Variants in DIAPH3 observed in about 807,000 individuals in gnomAD.
DIAPH3 encodes the protein protein diaphanous homolog 3.
A neutral mutation model predicts 144.3 loss-of-function variants in DIAPH3; 117 were observed. The observed-to-expected ratio is 0.81, with a 90% CI of 0.70 to 0.95. The LOEUF (loss-of-function observed/expected upper bound fraction) is 0.95, where lower values mean the gene tolerates loss of function less well. Ranked by LOEUF, DIAPH3 falls within the 40% of genes least tolerant of loss-of-function variation. The pLI, the probability that DIAPH3 is intolerant of heterozygous loss-of-function variation, is 0.00. For missense variants in DIAPH3, 1,421 were observed against 1,412.7 expected (o/e 1.01, Z -0.09); for synonymous variants, 519 against 488.9 (o/e 1.06, Z -0.81).
chr13:59,974,506 G>A lies in DIAPH3; in HGVS notation c.1546-50C>T, dbSNP rs1421467620. 5.6e-6 allele frequency: 8 copies of A among 1,428,324 alleles called. No individual in the cohort carries two copies. The Admixed American group carries it at 1.2e-4, about 21-fold the overall frequency. The allele number at this position is 1,428,324 out of a possible 1,614,324, so 88.5% of individuals were successfully genotyped here. A position where few individuals can be genotyped will look rare whatever the true frequency, so the allele number is the denominator to read the frequency against. On this transcript the variant is annotated intron_variant, in intron 14 of 27. Coordinates refer to ENST00000400324, the MANE Select transcript of DIAPH3 (RefSeq NM_001042517.2). The stretch of plus-strand genomic sequence containing the variant: ...AAAAACAGGAAGATGAAAATGAAAA[G>A]CACTATTCTTCTTATAGAAATGTGA...
intron 24 of DIAPH3, 106 bp from the exon 25 acceptor site, chr13:59,811,029 T>A: frequency 7.5e-6 from 8 of 1,059,666 alleles, no homozygotes; most frequent in South Asian, 1.5e-5. Context: ...GATTATCTTT[T>A]AGATAATGGT....
At chr13:59,709,434 G>A (rs934242313) in intron 27 of DIAPH3, among the ~76,000 whole-genome samples, 2 of 152,104 alleles carry the variant, frequency 1.3e-5, no homozygotes, top group Non-Finnish European at 2.9e-5. Context: ...AGGTGGCGAA[G>A]GACATGAACA....
chr13:60,011,333 C>T (rs1404675253), intron 7 of DIAPH3, among the ~76,000 whole-genome samples: 1 of 152,036 alleles, frequency 6.6e-6, no homozygotes, highest in African/African-American at 2.4e-5. Context: ...ACACTGAGGC[C>T]ATGAAAATCT....
Position 60,016,121 on chromosome 13 carries a change from T to C in DIAPH3, c.651A>G (p.Glu217=), listed in dbSNP as rs2053627969. 1 of 1,613,740 alleles carries C rather than the reference T, an allele frequency of 6.2e-7. No individual in the cohort carries two copies. ...AAATGTCTAATAATAATCCAAGCCCTTCATGTCCAAAGCTTTCCACCCAAC... is the reference window on the plus strand; with the variant it reads ...AAATGTCTAATAATAATCCAAGCCCCTCATGTCCAAAGCTTTCCACCCAAC... ...PVSWVESFGH[E]GLGLLLDILE... The change falls in exon 6 of 28, where the codon GAA becomes GAG. Residue 217 remains glutamate (E), a synonymous_variant. Transcript: ENST00000400324.
At chr13:59,919,456 T>G (rs1162695009) in intron 18 of DIAPH3, among the ~76,000 whole-genome samples, 2 of 152,168 alleles carry the variant, frequency 1.3e-5, no homozygotes, top group African/African-American at 4.8e-5. Flanking sequence ...CCAGTATACC[T>G]AACAGCAGAC....
At chr13:59,852,537 A>G (rs1027504662) in intron 22 of DIAPH3, among the ~76,000 whole-genome samples, 2 of 152,232 alleles carry the variant, frequency 1.3e-5, no homozygotes, top group Admixed American at 6.5e-5. Context: ...AATACAAAAT[A>G]ACGTGTTGCA....
At chr13:59,980,713 A>G in intron 14 of DIAPH3, 82 bp downstream of exon 14, 1 of 1,263,694 alleles carries the variant, frequency 7.9e-7, no homozygotes, top group Non-Finnish European at 1.2e-6. Context: ...GAAAGAACGA[A>G]TAACAAGCAA....
At chr13:59,943,318 A>C (rs1371748962) in intron 17 of DIAPH3, among the ~76,000 whole-genome samples, 1 of 152,168 alleles carries the variant, frequency 6.6e-6, no homozygotes, top group Non-Finnish European at 1.5e-5. Flanking sequence ...ACAGCTACCT[A>C]GTGGTAGATT....
rs577590999 is a variant in DIAPH3 at position 59,744,767 on chromosome 13, G to A, written c.3319+29422C>T. 9.9e-5 allele frequency among the ~76,000 whole-genome samples: 15 copies of A among 152,268 alleles called. No homozygotes were observed. The South Asian group carries it at 3.1e-3, about 32-fold the overall frequency. On this transcript the variant is annotated intron_variant, in intron 27 of 27. Coordinates refer to ENST00000400324, the MANE Select transcript of DIAPH3 (RefSeq NM_001042517.2). ...TGGGGCAAGAGTGGGCCTTGAAGGT[G>A]ACATCTGAAAGAGTTTTGGAACCAA...
chr13:59,798,262 C>A (rs539095889), intron 25 of DIAPH3, among the ~76,000 whole-genome samples: 2 of 152,184 alleles, frequency 1.3e-5, no homozygotes, highest in African/African-American at 4.8e-5. Flanking sequence ...GATCCATCTG[C>A]GTTTTTGCTA....
chr13:60,077,811 C>T (rs2057426432), intron 4 of DIAPH3, among the ~76,000 whole-genome samples: 1 of 152,026 alleles, frequency 6.6e-6, no homozygotes, highest in Non-Finnish European at 1.5e-5. Context: ...CGCACAGTGG[C>T]AGGATCTTAG....
intron 8 of DIAPH3, 21 bp from the exon 9 acceptor site, chr13:60,008,670 A>C: frequency 6.7e-7 from 1 of 1,484,796 alleles, no homozygotes; most frequent in Non-Finnish European, 9.4e-7. Context: ...ATTTGAGTCA[A>C]TTAAATTGCA....
At chr13:60,125,930 C>A (rs1057456963) in intron 2 of DIAPH3, among the ~76,000 whole-genome samples, 6 of 152,074 alleles carry the variant, frequency 3.9e-5, no homozygotes, top group African/African-American at 9.7e-5. Context: ...GGTGAAGCTA[C>A]TTTCTAAGAG....
At chr13:59,982,222 G>A (rs1373752851) in intron 13 of DIAPH3, among the ~76,000 whole-genome samples, 6 of 151,002 alleles carry the variant, frequency 4.0e-5, no homozygotes, top group African/African-American at 1.2e-4. Context: ...ACATAAGCAC[G>A]CATCACTTAT....
chr13:60,062,331 T>C (rs984077377), intron 4 of DIAPH3, among the ~76,000 whole-genome samples: 7 of 152,234 alleles, frequency 4.6e-5, no homozygotes, highest in Admixed American at 1.3e-4. Context: ...AGCAGTGTTT[T>C]ACATGTTAAA....
intron 23 of DIAPH3, among the ~76,000 whole-genome samples, chr13:59,834,211 T>C (rs74938977): frequency 0.013 from 2,019 of 151,776 alleles, 39 homozygotes; most frequent in African/African-American, 0.046. Context: ...GTGTGGCAAA[T>C]TGCTAATGCA....
chr13:60,074,856 G>A (rs941146258), intron 4 of DIAPH3, among the ~76,000 whole-genome samples: 2 of 152,106 alleles, frequency 1.3e-5, no homozygotes, highest in East Asian at 1.9e-4. Context: ...CTGCATGACT[G>A]TACTATAAAT....
intron 5 of DIAPH3, among the ~76,000 whole-genome samples, chr13:60,038,426 A>G (rs978725462): frequency 3.9e-5 from 6 of 152,118 alleles, no homozygotes; most frequent in African/African-American, 1.4e-4. Context: ...GACTTATGGT[A>G]TGAACTAGAT....
intron 17 of DIAPH3, among the ~76,000 whole-genome samples, chr13:59,951,185 G>GT (rs1315553972): frequency 6.6e-6 from 1 of 152,080 alleles, no homozygotes. Flanking sequence ...CCAGTGGGAG[G>GT]TAACTGAATC....
Sources: gnomAD v4.1 joint callset for allele counts (sites outside exome capture counted in the v4.1 genomes callset) on GRCh38, gnomAD v4.1.1 for gene constraint, MANE v1.5 for transcripts, NCBI Gene and HGNC (gene_info 2026-07-23, HGNC 2026-07-21) for gene names.